The following KLHL33 variants were observed in gnomAD, a reference collection of about 807,000 sequenced individuals.
KLHL33 encodes the protein kelch like family member 33, also known as kelch-like protein 33.
KLHL33 carries 46 observed loss-of-function variants against 60.8 expected under a neutral mutation model. That is an observed-to-expected ratio of 0.76 (90% CI 0.60 to 0.97). The LOEUF is 0.97. Ranked by LOEUF, KLHL33 falls within the 50% of genes least tolerant of loss-of-function variation. The pLI, the probability that KLHL33 is intolerant of heterozygous loss-of-function variation, is 0.00. For synonymous variants in KLHL33, 434 were observed against 432.2 expected, an observed-to-expected ratio of 1.00 and a Z score of -0.05; for missense variants, 1,055 against 1,000.0, an observed-to-expected ratio of 1.05 and a Z score of -0.74.
At position 20,426,687 on chromosome 14, in the gene KLHL33, T is replaced by C. The variant is rs1880283892; in HGVS notation, c.*2162A>G. The C allele has an allele frequency of 6.6e-6, 1 of 152,070 alleles. No homozygotes were observed. The allele number at this position is 152,070 out of a possible 1,614,324, so 9.4% of individuals were successfully genotyped here. A position where few individuals can be genotyped will look rare whatever the true frequency, so the allele number is the denominator to read the frequency against. On this transcript the variant is annotated 3_prime_UTR_variant, in exon 5 of 5. Coordinates refer to ENST00000636854, the MANE Select transcript of KLHL33 (RefSeq NM_001365790.2). ...CCCAGCCATCCCATTACTGGGTATA[T>C]GCCCAAAGGAATATAAATCATGCCG...
At position 20,429,818 on chromosome 14, in the gene KLHL33, G is replaced by C; in HGVS notation, c.1650C>G (p.Ser550=). Residue 550 remains serine, a synonymous_variant, in exon 3 of 5, where the codon TCC becomes TCG. Transcript: ENST00000636854. ...VCGGQDFYSH[S]NTLASTLRWE... is the part of the protein sequence containing the mutation. ...ACCTGAGAGTTGAAGCCAGGGTGTT[G>C]GAGTGACTGTAGAAATCTTGTCCCC... is the stretch of plus-strand genomic sequence containing the variant. 6.5e-7 allele frequency: 1 copy of C among 1,544,502 alleles called. No individual in the cohort carries two copies. Among genetic ancestry groups the C allele is most frequent in the Non-Finnish European group, 8.7e-7 (1 of 1,142,860 alleles).
Position 20,430,666 on chromosome 14 carries a change from T to G in KLHL33, c.802A>C (p.Ser268Arg). 6.5e-7 allele frequency: 1 copy of G among 1,534,480 alleles called. No individual in the cohort carries two copies. Among genetic ancestry groups the G allele is most frequent in the Non-Finnish European group, 8.7e-7 (1 of 1,146,344 alleles). Residue 268 changes from serine to arginine, a missense_variant, in exon 3 of 5, where the codon AGC becomes CGC. By Grantham distance (110) the Ser-to-Arg change is moderately radical. Coordinates refer to ENST00000636854, the MANE Select transcript of KLHL33 (RefSeq NM_001365790.2). ...GSEFFGAMLLSGMRESQGTEV... is the reference protein window; with the variant it reads ...GSEFFGAMLLRGMRESQGTEV... The stretch of plus-strand genomic sequence containing the variant: ...GTGCCCTGGGATTCCCTCATCCCGC[T>G]CAGGAGCATGGCCCCAAAGAACTCA...
Position 20,428,919 on chromosome 14 carries a change from A to T in KLHL33, c.2324T>A (p.Ile775Asn), listed in dbSNP as rs1483939158. Reference sequence around the variant, plus strand: ...GTGCTGCACAGCGGGCAGTGTCAGGATGCAGGCAGGCATCTCAGCCCGAGG... The same window carrying T: ...GTGCTGCACAGCGGGCAGTGTCAGGTTGCAGGCAGGCATCTCAGCCCGAGG... ...PRPRAEMPAC[I>N]LTLPAVQHIA... The change falls in exon 5 of 5, where the codon ATC becomes AAC. Residue 775 changes from isoleucine (I) to asparagine (N), a missense_variant. By Grantham distance (149) the Ile-to-Asn change is moderately radical. Transcript: ENST00000636854. 2.6e-6 allele frequency: 4 copies of T among 1,551,728 alleles called. No individual in the cohort carries two copies. Among genetic ancestry groups the T allele is most frequent in the Non-Finnish European group, 3.5e-6 (4 of 1,147,000 alleles).
chr14:20,434,679 C>T (rs1165737676), intron 2 of KLHL33, among the ~76,000 whole-genome samples: 1 of 152,188 alleles, frequency 6.6e-6, no homozygotes, highest in East Asian at 1.9e-4. Flanking sequence ...CCACCATGTT[C>T]CCCTGGCTTT....
Position 20,426,002 on chromosome 14 carries a change from C to T in KLHL33, c.*2847G>A, listed in dbSNP as rs1262346380. ...CTTCTCTTTTCTCTTATACATCCTACTTACCCCTTCTCATTTTCAATTACA... is the reference window on the plus strand; with the variant it reads ...CTTCTCTTTTCTCTTATACATCCTATTTACCCCTTCTCATTTTCAATTACA... On this transcript the variant is annotated 3_prime_UTR_variant, in exon 5 of 5. Coordinates refer to ENST00000636854, the MANE Select transcript of KLHL33 (RefSeq NM_001365790.2). 6.6e-6 allele frequency: 1 copy of T among 152,170 alleles called. No homozygotes were observed. The highest frequency in any genetic ancestry group is 1.5e-5 in the Non-Finnish European group (1 of 68,040). 9.4% of individuals were successfully genotyped at this position (152,170 alleles called of 1,614,324 possible). A position where few individuals can be genotyped will look rare whatever the true frequency, so the allele number is the denominator to read the frequency against.
Position 20,435,342 on chromosome 14 carries a change from G to A in KLHL33, c.470C>T (p.Ser157Phe). ...CAGCACGGCCTCCCAGCCCCCTGGG[G>A]ACACCTCGAGGCTGAAGGGGGGCCG... ...GPRPPFSLEV[S>F]PGGWEAVLTF... is the part of the protein sequence containing the mutation. The change falls in exon 2 of 5, where the codon TCC becomes TTC. Residue 157 changes from serine to phenylalanine, a missense_variant. Ser to Phe is a radical substitution (Grantham distance 155, BLOSUM62 -2). Transcript: ENST00000636854. 3 of 1,234,354 alleles carry A rather than the reference G, an allele frequency of 2.4e-6. No individual in the cohort carries two copies. The highest frequency in any genetic ancestry group is 3.0e-6 in the Non-Finnish European group (3 of 988,144). The allele number at this position is 1,234,354 out of a possible 1,614,324, so 76.5% of individuals were successfully genotyped here. A position where few individuals can be genotyped will look rare whatever the true frequency, so the allele number is the denominator to read the frequency against.
Position 20,435,154 on chromosome 14 carries a change from G to T in KLHL33, c.658C>A (p.Leu220Met). 1 of 1,234,376 alleles carries T rather than the reference G, an allele frequency of 8.1e-7. No homozygotes were observed. The highest frequency in any genetic ancestry group is 1.0e-6 in the Non-Finnish European group (1 of 988,098). 76.5% of individuals were successfully genotyped at this position (1,234,376 alleles called of 1,614,324 possible). A position where few individuals can be genotyped will look rare whatever the true frequency, so the allele number is the denominator to read the frequency against. The change falls in exon 2 of 5, where the codon CTG (leucine) becomes ATG (methionine). Residue 220 changes from leucine (L) to methionine (M), a missense_variant. Coordinates refer to ENST00000636854, the MANE Select transcript of KLHL33 (RefSeq NM_001365790.2). ...TCGATTCCGCGCAGGTTCTCCCTCA[G>T]CTCCTCTGCCTGGCTGGGCTTCTTT... The part of the protein sequence containing the change: ...DVKKPSQAEE[L>M]RENLRGIELL...
chr14:20,432,784 T>G (rs1232156990), intron 2 of KLHL33, among the ~76,000 whole-genome samples: 1 of 151,788 alleles, frequency 6.6e-6, no homozygotes, highest in Non-Finnish European at 1.5e-5. Context: ...TAGCTGGGTG[T>G]GGTGGTGCAC....
At chr14:20,433,303 C>T (rs1239041499) in intron 2 of KLHL33, among the ~76,000 whole-genome samples, 2 of 152,120 alleles carry the variant, frequency 1.3e-5, no homozygotes, top group Non-Finnish European at 2.9e-5. Flanking sequence ...GGTAATGCTC[C>T]TAGAAGTCCT....
In KLHL33 at chr14:20,430,224, T is replaced by C. The variant is rs1172042194; in HGVS notation, c.1244A>G (p.Gln415Arg). Residue 415 changes from glutamine (Q) to arginine (R), a missense_variant, in exon 3 of 5, where the codon CAG becomes CGG. Transcript: ENST00000636854. ...CAGCAGGGCCTTGGCCTCTGACTCC[T>C]GGGTCTCGGGGTTGGCAGCCAGCCA... The part of the protein sequence containing the change: ...RCWLAANPET[Q>R]ESEAKALLRC... The C allele has an allele frequency of 9.0e-6, 14 of 1,551,400 alleles. No individual in the cohort carries two copies. The highest frequency in any genetic ancestry group is 1.4e-5 in the African/African-American group (1 of 73,024).
chr14:20,434,928 A>G (rs780698157), intron 2 of KLHL33, 136 bp downstream of exon 2: 9 of 779,264 alleles, frequency 1.2e-5, no homozygotes, highest in Non-Finnish European at 1.6e-5. Context: ...GAGAGGCACC[A>G]AAGGCCACCC....
In KLHL33 at chr14:20,430,555, G is replaced by T; in HGVS notation, c.913C>A (p.Pro305Thr). 6.5e-7 allele frequency: 1 copy of T among 1,541,000 alleles called. No individual in the cohort carries two copies. Among genetic ancestry groups the T allele is most frequent in the South Asian group, 1.2e-5 (1 of 84,066 alleles). ...GCCTGGGCAGCTCTCAGTAGCCCTG[G>T]CCACCTTGCCCGCACAACTCCGGAG... ...AYSGVVRARW[P>T]GLLRAAQAAL... is the part of the protein sequence containing the mutation. Residue 305 changes from proline to threonine, a missense_variant, in exon 3 of 5, where the codon CCA becomes ACA. By Grantham distance (38) the Pro-to-Thr change is conservative. Transcript: ENST00000636854.
In KLHL33 at chr14:20,429,302, G is replaced by C. The variant is rs372955862; in HGVS notation, c.1941C>G (p.Tyr647Ter). 2.7e-4 allele frequency: 423 copies of C among 1,551,560 alleles called. 2 individuals carry two copies. Among genetic ancestry groups the C allele is most frequent in the South Asian group, 1.2e-3 (98 of 84,064 alleles). ...VSGGCGGTGQYLASLMHYDPK... is the reference protein window; with the variant it reads ...VSGGCGGTGQ ...GGTCATAGTGCATCAGTGAGGCCAG[G>C]TATTGGCCAGTCCCACCACAGCCAC... The change falls in exon 5 of 5, where the codon TAC becomes TAG. Residue 647 changes from tyrosine to a stop codon, truncating the protein, a stop_gained. Transcript: ENST00000636854. LOFTEE classifies it high-confidence loss of function.
chr14:20,429,940 G>C lies in KLHL33; in HGVS notation c.1528C>G (p.Arg510Gly). Residue 510 changes from arginine (R) to glycine (G), a missense_variant, in exon 3 of 5, where the codon CGA becomes GGA. Coordinates refer to ENST00000636854, the MANE Select transcript of KLHL33 (RefSeq NM_001365790.2). ...RAFRCGVGLV[R>G]TVEWGQLPAL... ...GGCAGCTGCCCCCACTCAACAGTTC[G>C]TACCAGTCCCACGCCACAGCGGAAG... 6.4e-7 allele frequency: 1 copy of C among 1,551,748 alleles called. No individual in the cohort carries two copies. The highest frequency in any genetic ancestry group is 8.7e-7 in the Non-Finnish European group (1 of 1,147,016).
chr14:20,435,605 G>C lies in KLHL33; in HGVS notation c.207C>G (p.Ala69=). The C allele has an allele frequency of 8.1e-7, 1 of 1,234,718 alleles. No individual in the cohort carries two copies. Among genetic ancestry groups the C allele is most frequent in the Non-Finnish European group, 1.0e-6 (1 of 988,386 alleles). 76.5% of individuals were successfully genotyped at this position (1,234,718 alleles called of 1,614,324 possible). A position where few individuals can be genotyped will look rare whatever the true frequency, so the allele number is the denominator to read the frequency against. ...CTTCCTCTTCTTCCTCTAGGGACAA[G>C]GCTGGAAAGGGAAGGTTCCTTGGGA... ...PLVPRNLPFP[A]LSLEEEEEEE... is the part of the protein sequence containing the mutation. Residue 69 remains alanine, a synonymous_variant, in exon 2 of 5, where the codon GCC becomes GCG. Transcript: ENST00000636854.
chr14:20,431,640 T>A (rs928158450), intron 2 of KLHL33, among the ~76,000 whole-genome samples: 1 of 152,168 alleles, frequency 6.6e-6, no homozygotes, highest in Non-Finnish European at 1.5e-5. Flanking sequence ...GGCAGGAGAA[T>A]AGCTTGAACC....
intron 1 of KLHL33, 99 bp from the exon 2 acceptor site, chr14:20,435,929 C>T (rs767519931): frequency 3.5e-5 from 29 of 837,246 alleles, no homozygotes; most frequent in Middle Eastern, 8.2e-4. Context: ...AGTCTCTCCC[C>T]TGCTCCAACA....
chr14:20,428,508 G>A lies in KLHL33; in HGVS notation c.*341C>T. 4.2e-6 allele frequency: 1 copy of A among 236,232 alleles called. No individual in the cohort carries two copies. The highest frequency in any genetic ancestry group is 8.3e-6 in the Non-Finnish European group (1 of 121,078). The allele number at this position is 236,232 out of a possible 1,614,324, so 14.6% of individuals were successfully genotyped here. On this transcript the variant is annotated 3_prime_UTR_variant, in exon 5 of 5. Transcript: ENST00000636854. Reference sequence around the variant, plus strand: ...ATGGGTCAGAACCATTTTTCCAACTGTCCTCCCATGGTCTCTACACTTTGG... The same window carrying A: ...ATGGGTCAGAACCATTTTTCCAACTATCCTCCCATGGTCTCTACACTTTGG...
intron 2 of KLHL33, among the ~76,000 whole-genome samples, chr14:20,432,181 C>T (rs965249677): frequency 9.3e-5 from 14 of 151,262 alleles, no homozygotes; most frequent in Admixed American, 3.3e-4. Flanking sequence ...GTGGTACAAT[C>T]TCGGCTCACT....
Sources: allele counts gnomAD v4.1 joint callset (sites outside exome capture counted in the v4.1 genomes callset), GRCh38; gene constraint gnomAD v4.1.1; transcripts MANE v1.5; gene names NCBI Gene and HGNC (gene_info 2026-07-23, HGNC 2026-07-21).